Variants in SLC16A10 observed in about 807,000 individuals in gnomAD.
SLC16A10 encodes solute carrier family 16 member 10, also known as monocarboxylate transporter 10.
Under a neutral mutation model 40.0 loss-of-function variants are expected in SLC16A10, and 27 were observed. The ratio of observed to expected loss-of-function variants is 0.67; its 90% CI spans 0.50 to 0.93. The LOEUF (loss-of-function observed/expected upper bound fraction) is 0.93. Ranked by LOEUF, SLC16A10 falls within the 40% of genes least tolerant of loss-of-function variation. The pLI, the probability that SLC16A10 is intolerant of heterozygous loss-of-function variation, is 0.00. For synonymous variants in SLC16A10, 213 were observed against 249.8 expected, an observed-to-expected ratio of 0.85 and a Z score of 1.39; for missense variants, 529 against 658.2, an observed-to-expected ratio of 0.80 and a Z score of 2.15.
At chr6:111,203,321 A>G (rs769157178) in intron 3 of SLC16A10, among the ~76,000 whole-genome samples, 1 of 152,226 alleles carries the variant, frequency 6.6e-6, no homozygotes. Context: ...ATTCCCTCAC[A>G]TACTGACCAA....
At chr6:111,166,121 A>G (rs1772468845) in intron 1 of SLC16A10, among the ~76,000 whole-genome samples, 1 of 152,002 alleles carries the variant, frequency 6.6e-6, no homozygotes, top group Admixed American at 6.6e-5. Flanking sequence ...CAGATTGGCT[A>G]CAGCTTAAGA....
chr6:111,128,053 T>G (rs968699898), intron 1 of SLC16A10, among the ~76,000 whole-genome samples: 1 of 152,148 alleles, frequency 6.6e-6, no homozygotes, highest in Non-Finnish European at 1.5e-5. Context: ...GTTAGTAGCT[T>G]TTCTCGTCTC....
intron 1 of SLC16A10, among the ~76,000 whole-genome samples, chr6:111,097,945 T>A (rs1771103730): frequency 6.6e-6 from 1 of 152,210 alleles, no homozygotes; most frequent in South Asian, 2.1e-4. Context: ...AGCTAGTACC[T>A]ATTTTTTGCT....
rs577540763 is a variant in SLC16A10 at position 111,115,682 on chromosome 6, G to A, written c.343+27587G>A. Among the ~76,000 whole-genome samples, 18 of 152,288 alleles carry A rather than the reference G, an allele frequency of 1.2e-4. No individual in the cohort carries two copies. In the South Asian group the frequency reaches 3.7e-3, roughly 32 times the overall value. On this transcript the variant is annotated intron_variant, in intron 1 of 5. Coordinates refer to ENST00000368851, the MANE Select transcript of SLC16A10 (RefSeq NM_018593.5). ...GGCATGTGGTATCTAGAAAGGGTCAGGAGTACCTTGATAAAAATTATTGTA... is the reference window on the plus strand; with the variant it reads ...GGCATGTGGTATCTAGAAAGGGTCAAGAGTACCTTGATAAAAATTATTGTA...
chr6:111,213,374 A>T (rs1023890474), intron 4 of SLC16A10, among the ~76,000 whole-genome samples: 2 of 152,238 alleles, frequency 1.3e-5, no homozygotes, highest in Non-Finnish European at 2.9e-5. Context: ...TTTGAATTTT[A>T]AAAAATATAT....
intron 1 of SLC16A10, among the ~76,000 whole-genome samples, chr6:111,131,930 T>G (rs1376176150): frequency 6.6e-6 from 1 of 152,198 alleles, no homozygotes; most frequent in Non-Finnish European, 1.5e-5. Context: ...TCTCCTTACC[T>G]CTGAATCTAC....
At chr6:111,208,321 C>T (rs1305729712) in intron 4 of SLC16A10, among the ~76,000 whole-genome samples, 1 of 152,100 alleles carries the variant, frequency 6.6e-6, no homozygotes, top group Non-Finnish European at 1.5e-5. Context: ...CGTGGTGGCT[C>T]ATGCCTGTAA....
intron 1 of SLC16A10, among the ~76,000 whole-genome samples, chr6:111,171,128 C>A (rs1045645587): frequency 6.6e-6 from 1 of 152,094 alleles, no homozygotes; most frequent in African/African-American, 2.4e-5. Flanking sequence ...CACAGCGAGA[C>A]CCTGTCTCAT....
chr6:111,159,696 T>C (rs1023004917), intron 1 of SLC16A10, among the ~76,000 whole-genome samples: 3 of 152,210 alleles, frequency 2.0e-5, no homozygotes, highest in Non-Finnish European at 2.9e-5. Flanking sequence ...ATGGTAGGTT[T>C]ATGTTTAACT....
intron 4 of SLC16A10, among the ~76,000 whole-genome samples, chr6:111,208,725 T>C (rs1352937812): frequency 6.6e-6 from 1 of 152,116 alleles, no homozygotes; most frequent in Non-Finnish European, 1.5e-5. Context: ...TCTCTTTCCA[T>C]AGAGAAAGAA....
intron 3 of SLC16A10, among the ~76,000 whole-genome samples, chr6:111,201,555 T>A (rs967928117): frequency 1.4e-4 from 22 of 152,312 alleles, no homozygotes; most frequent in African/African-American, 5.3e-4. Context: ...AGATATATAG[T>A]CTAACTTGTG....
At chr6:111,175,567 T>C (rs898374294) in intron 2 of SLC16A10, among the ~76,000 whole-genome samples, 2 of 152,346 alleles carry the variant, frequency 1.3e-5, no homozygotes, top group Admixed American at 1.3e-4. Context: ...GTTACAATTA[T>C]CTGGAAAACT....
intron 1 of SLC16A10, among the ~76,000 whole-genome samples, chr6:111,115,836 G>T (rs1185208249): frequency 1.3e-5 from 2 of 151,930 alleles, no homozygotes; most frequent in Non-Finnish European, 2.9e-5. Context: ...GAGGTCTGCA[G>T]TTTTTCCCTC....
intron 5 of SLC16A10, among the ~76,000 whole-genome samples, chr6:111,220,051 C>A (rs1031309456): frequency 1.3e-5 from 2 of 152,218 alleles, no homozygotes; most frequent in Non-Finnish European, 2.9e-5. Flanking sequence ...AGCACCACTG[C>A]ACTCCAGCCT....
intron 1 of SLC16A10, among the ~76,000 whole-genome samples, chr6:111,117,351 CAAAAAAAAAAAAAAA>C (rs35235587): frequency 1.4e-5 from 1 of 73,430 alleles, no homozygotes; most frequent in Non-Finnish European, 2.5e-5. Flanking sequence ...GACTCCGTCT[CAAAAAAAAAAAAAAA>C]AAAAAAAAAA....
At chr6:111,203,704 A>G (rs1300731370) in intron 3 of SLC16A10, among the ~76,000 whole-genome samples, 1 of 142,080 alleles carries the variant, frequency 7.0e-6, no homozygotes, top group Non-Finnish European at 1.5e-5. Context: ...CCTGGGCGAC[A>G]GCGAAACCCC....
At chr6:111,153,150 GC>G (rs1405114304) in intron 1 of SLC16A10, among the ~76,000 whole-genome samples, 1 of 152,182 alleles carries the variant, frequency 6.6e-6, no homozygotes, top group Non-Finnish European at 1.5e-5. Flanking sequence ...ATTTTAAATA[GC>G]TTTTTTGCGT....
intron 1 of SLC16A10, among the ~76,000 whole-genome samples, chr6:111,134,173 T>C (rs150165052): frequency 2.0e-3 from 300 of 152,290 alleles, no homozygotes; most frequent in Non-Finnish European, 3.1e-3. Flanking sequence ...TAGCTCCTCA[T>C]TGGGACACAG....
chr6:111,178,769 G>C (rs985682078), intron 3 of SLC16A10: 7 of 194,136 alleles, frequency 3.6e-5, no homozygotes, highest in African/African-American at 1.7e-4. Flanking sequence ...TTGGAGATTT[G>C]TGCAATTTTT....
Sources: gnomAD v4.1 joint callset for allele counts (sites outside exome capture counted in the v4.1 genomes callset) on GRCh38, gnomAD v4.1.1 for gene constraint, MANE v1.5 for transcripts, NCBI Gene and HGNC (gene_info 2026-07-23, HGNC 2026-07-21) for gene names.